The following MAF variants were observed in gnomAD, a reference collection of about 807,000 sequenced individuals.
The protein encoded by MAF is transcription factor Maf.
In MAF, 10 loss-of-function variants were observed where a neutral mutation model predicts 22.0. The ratio of observed to expected loss-of-function variants is 0.45; its 90% CI spans 0.28 to 0.77. The LOEUF is 0.77. Ranked by LOEUF, MAF falls within the 30% of genes least tolerant of loss-of-function variation. MAF has a pLI of 0.12. For missense variants in MAF, 544 were observed against 548.4 expected (o/e 0.99, Z 0.08); for synonymous variants, 337 against 255.8 (o/e 1.32, Z -3.03).
chr16:79,243,997 C>A, the MAF span, among the ~76,000 whole-genome samples: 1 of 152,010 alleles, frequency 6.6e-6, no homozygotes, highest in African/African-American at 2.4e-5. Flanking sequence ...GCAGAAAAGG[C>A]CTTCAACAAA....
the MAF span, among the ~76,000 whole-genome samples, chr16:79,476,064 G>T: frequency 4.6e-4 from 70 of 152,328 alleles, no homozygotes; most frequent in South Asian, 0.014. Flanking sequence ...TGATGGCTTG[G>T]AAGAGAATTT....
At chr16:79,265,946 A>G in the MAF span, among the ~76,000 whole-genome samples, 1 of 152,226 alleles carries the variant, frequency 6.6e-6, no homozygotes, top group Non-Finnish European at 1.5e-5. Flanking sequence ...TACAGCAGGG[A>G]TATGTTGAAC....
chr16:79,480,599 A>G, the MAF span, among the ~76,000 whole-genome samples: 6 of 152,122 alleles, frequency 3.9e-5, no homozygotes, highest in Non-Finnish European at 7.4e-5. Flanking sequence ...ATGTTTTATC[A>G]GTTCTCACTA....
At chr16:79,212,165 G>C in the MAF span, 1 of 1,493,654 alleles carries the variant, frequency 6.7e-7, no homozygotes, top group Non-Finnish European at 8.9e-7. Flanking sequence ...CTACCACCAC[G>C]GCCACCACTG....
the MAF span, among the ~76,000 whole-genome samples, chr16:79,555,442 A>G: frequency 2.0e-5 from 3 of 152,220 alleles, no homozygotes; most frequent in Non-Finnish European, 4.4e-5. Context: ...CTTTGACAGG[A>G]AAAAAGCACC....
intron 1 of MAF, chr16:79,597,180 A>G: frequency 9.5e-7 from 1 of 1,055,456 alleles, no homozygotes. Context: ...TAAACAATTT[A>G]GTGCATCAAT....
At chr16:79,492,965 C>CTT in the MAF span, among the ~76,000 whole-genome samples, 1,850 of 148,786 alleles carry the variant, frequency 0.012, 39 homozygotes, top group African/African-American at 0.04. Context: ...TTTTCTTTTT[C>CTT]TTTTTTTTTT....
the MAF span, among the ~76,000 whole-genome samples, chr16:79,383,308 G>C: frequency 1.3e-5 from 2 of 152,040 alleles, no homozygotes; most frequent in Non-Finnish European, 2.9e-5. Context: ...CATGTATCCA[G>C]ATAAATAGTA....
the MAF span, chr16:79,211,630 T>G: frequency 5.0e-6 from 8 of 1,614,088 alleles, no homozygotes; most frequent in Non-Finnish European, 1.7e-6. Flanking sequence ...GCCACCACCG[T>G]GTACTGTGCT....
chr16:79,278,055 A>G, the MAF span, among the ~76,000 whole-genome samples: 1 of 152,206 alleles, frequency 6.6e-6, no homozygotes, highest in Non-Finnish European at 1.5e-5. Context: ...AATGCCTGCG[A>G]TTGCAAACAT....
At chr16:79,453,169 G>A in the MAF span, among the ~76,000 whole-genome samples, 1 of 152,156 alleles carries the variant, frequency 6.6e-6, no homozygotes, top group Non-Finnish European at 1.5e-5. Flanking sequence ...TAGTGAGTAA[G>A]TGGTACCTAC....
chr16:79,407,098 T>C, the MAF span, among the ~76,000 whole-genome samples: 3 of 152,176 alleles, frequency 2.0e-5, no homozygotes, highest in African/African-American at 7.2e-5. Flanking sequence ...CCAGGGAGGG[T>C]GTCGTCTGGC....
the MAF span, among the ~76,000 whole-genome samples, chr16:79,305,691 G>C: frequency 1.3e-5 from 2 of 152,206 alleles, no homozygotes; most frequent in Non-Finnish European, 2.9e-5. Context: ...AGCTGTAATA[G>C]ACGGGTTCTT....
At chr16:79,562,631 C>T in the MAF span, among the ~76,000 whole-genome samples, 1 of 152,184 alleles carries the variant, frequency 6.6e-6, no homozygotes, top group Non-Finnish European at 1.5e-5. Flanking sequence ...TTCTCAACAT[C>T]TGTAGACCTC....
At chr16:79,488,590 T>C in the MAF span, among the ~76,000 whole-genome samples, 1 of 152,184 alleles carries the variant, frequency 6.6e-6, no homozygotes, top group Non-Finnish European at 1.5e-5. Context: ...GCTCCTCACA[T>C]TGTAGGCTGC....
At chr16:79,580,790 A>C in the MAF span, among the ~76,000 whole-genome samples, 1 of 148,844 alleles carries the variant, frequency 6.7e-6, no homozygotes, top group Non-Finnish European at 1.5e-5. Flanking sequence ...GGTAATGGTG[A>C]GAAACTGTTC....
the MAF span, among the ~76,000 whole-genome samples, chr16:79,352,317 A>G: frequency 6.6e-6 from 1 of 152,134 alleles, no homozygotes; most frequent in Non-Finnish European, 1.5e-5. Flanking sequence ...CACGTCTTCT[A>G]TAATTATAGA....
the MAF span, among the ~76,000 whole-genome samples, chr16:79,223,858 G>A: frequency 1.4e-4 from 22 of 152,258 alleles, no homozygotes; most frequent in East Asian, 3.9e-3. Flanking sequence ...TGAAATTGAG[G>A]GAGTAATTAA....
the MAF span, among the ~76,000 whole-genome samples, chr16:79,461,834 C>T: frequency 1.3e-5 from 2 of 152,152 alleles, no homozygotes; most frequent in African/African-American, 4.8e-5. Context: ...TTTTCCACTT[C>T]CTTTTCTTCA....
Sources: allele counts gnomAD v4.1 joint callset (sites outside exome capture counted in the v4.1 genomes callset), GRCh38; gene constraint gnomAD v4.1.1; transcripts MANE v1.5; gene names NCBI Gene and HGNC (gene_info 2026-07-23, HGNC 2026-07-21).